FSTL5: variants seen among roughly 807,000 people sequenced by gnomAD.
The protein encoded by FSTL5 is follistatin like 5.
FSTL5 carries 62 observed loss-of-function variants against 89.1 expected under a neutral mutation model. The observed-to-expected ratio is 0.70, with a 90% CI of 0.57 to 0.86. FSTL5 has a LOEUF of 0.86. Among genes scored for constraint, FSTL5 ranks in the 40% least tolerant of loss-of-function variants. The probability of loss-of-function intolerance (pLI) is 0.00; values close to 1 mark genes in which losing one functional copy is unlikely to be tolerated. For synonymous variants in FSTL5, 383 were observed against 346.2 expected (o/e 1.11, Z -1.18); for missense variants, 1,057 against 1,001.6 (o/e 1.06, Z -0.75).
chr4:162,140,800 T>A (rs1732699408), intron 1 of FSTL5, among the ~76,000 whole-genome samples: 1 of 152,172 alleles, frequency 6.6e-6, no homozygotes, highest in Non-Finnish European at 1.5e-5. Context: ...ATTCTGATGT[T>A]AACCTTAAAG....
intron 4 of FSTL5, among the ~76,000 whole-genome samples, chr4:161,803,215 A>C (rs984676021): frequency 6.6e-6 from 1 of 151,922 alleles, no homozygotes; most frequent in African/African-American, 2.4e-5. Flanking sequence ...CTAGCATAAT[A>C]GGTTCAGGTT....
At chr4:161,419,235 T>C (rs1267321165) in intron 15 of FSTL5, among the ~76,000 whole-genome samples, 1 of 152,230 alleles carries the variant, frequency 6.6e-6, no homozygotes, top group Admixed American at 6.5e-5. Context: ...ATAGTTTATG[T>C]CCTCTTTATT....
intron 3 of FSTL5, among the ~76,000 whole-genome samples, chr4:161,949,339 G>A (rs149489413): frequency 5.1e-4 from 77 of 152,060 alleles, no homozygotes; most frequent in African/African-American, 1.7e-3. Context: ...GTAAGAATTC[G>A]GACAGAAACA....
intron 6 of FSTL5, among the ~76,000 whole-genome samples, chr4:161,706,827 G>C (rs1345945316): frequency 6.6e-6 from 1 of 152,004 alleles, no homozygotes; most frequent in Non-Finnish European, 1.5e-5. Context: ...TCATATTTCA[G>C]AGTAATCCAG....
At chr4:161,595,107 G>A (rs1733966601) in intron 7 of FSTL5, among the ~76,000 whole-genome samples, 1 of 151,758 alleles carries the variant, frequency 6.6e-6, no homozygotes, top group Non-Finnish European at 1.5e-5. Flanking sequence ...ATTAATCTTA[G>A]CCAAGCCTCA....
At chr4:161,948,292 G>GAA (rs34074683) in intron 3 of FSTL5, among the ~76,000 whole-genome samples, 13 of 113,750 alleles carry the variant, frequency 1.1e-4, no homozygotes, top group African/African-American at 1.8e-4. Flanking sequence ...CTAAAGAAAT[G>GAA]AAAAAAAAAA....
chr4:161,609,165 C>A (rs575206767), intron 7 of FSTL5, among the ~76,000 whole-genome samples: 2 of 152,162 alleles, frequency 1.3e-5, no homozygotes, highest in Admixed American at 1.3e-4. Context: ...ATGCCTGGCA[C>A]ATACACAGTG....
At chr4:161,463,889 T>G (rs183170259) in intron 13 of FSTL5, among the ~76,000 whole-genome samples, 1 of 152,322 alleles carries the variant, frequency 6.6e-6, no homozygotes, top group Admixed American at 6.5e-5. Context: ...CCCTTTGCAA[T>G]ATCTCTACTA....
intron 8 of FSTL5, among the ~76,000 whole-genome samples, chr4:161,547,103 G>C (rs1401415923): frequency 2.0e-5 from 3 of 152,030 alleles, no homozygotes; most frequent in African/African-American, 7.2e-5. Flanking sequence ...TATGCCAAGG[G>C]GCAGAGAGAG....
At chr4:161,542,720 G>A in intron 8 of FSTL5, 27 bp from the exon 9 acceptor site, 3 of 1,364,296 alleles carry the variant, frequency 2.2e-6, no homozygotes, top group Middle Eastern at 1.9e-4. Flanking sequence ...AAGAGAAAGT[G>A]AATTAGTGAT....
chr4:162,005,520 C>T (rs2111117192), intron 3 of FSTL5, among the ~76,000 whole-genome samples: 1 of 152,090 alleles, frequency 6.6e-6, no homozygotes, highest in African/African-American at 2.4e-5. Context: ...ATGGGAAAAC[C>T]AGTGAGACGG....
At chr4:162,013,199 AT>A (rs142910851) in intron 3 of FSTL5, among the ~76,000 whole-genome samples, 16,069 of 150,424 alleles carry the variant, frequency 0.11, 848 homozygotes, top group Non-Finnish European at 0.13. Context: ...AAAAAAAAAA[AT>A]TTTCAGTATA....
chr4:161,777,158 C>G (rs1284959472), intron 4 of FSTL5, among the ~76,000 whole-genome samples: 2 of 151,548 alleles, frequency 1.3e-5, no homozygotes, highest in African/African-American at 4.8e-5. Context: ...GTTTATTTCA[C>G]TTAACATAAT....
At chr4:162,042,449 C>G (rs1738000796) in intron 2 of FSTL5, among the ~76,000 whole-genome samples, 1 of 152,018 alleles carries the variant, frequency 6.6e-6, no homozygotes. Context: ...AAGACATAGA[C>G]ACACTGACTT....
rs570861820 is a variant in FSTL5 at position 161,677,962 on chromosome 4, A to T, written c.728-21468T>A. On this transcript the variant is annotated intron_variant, in intron 6 of 15. Transcript: ENST00000306100. Reference sequence around the variant, plus strand: ...TATGCCACACACCATAGATATATATATTTTATTTGTCAATTAAAACATATG... The same window carrying T: ...TATGCCACACACCATAGATATATATTTTTTATTTGTCAATTAAAACATATG... Among the ~76,000 whole-genome samples, 13 of 151,900 alleles carry T rather than the reference A, an allele frequency of 8.6e-5. No individual in the cohort carries two copies. In the East Asian group the frequency reaches 1.7e-3, roughly 20 times the overall value.
intron 7 of FSTL5, among the ~76,000 whole-genome samples, chr4:161,636,516 G>T (rs1169030403): frequency 2.1e-5 from 3 of 143,284 alleles, no homozygotes; most frequent in Non-Finnish European, 4.5e-5. Flanking sequence ...CATTGCGCAG[G>T]TTAGTTACAT....
chr4:161,431,451 A>C (rs1732366143), intron 15 of FSTL5, among the ~76,000 whole-genome samples: 1 of 147,200 alleles, frequency 6.8e-6, no homozygotes, highest in South Asian at 2.1e-4. Context: ...CCTCAAATAA[A>C]AAAAAAAACA....
At chr4:161,697,057 C>T (rs1381557018) in intron 6 of FSTL5, among the ~76,000 whole-genome samples, 1 of 152,156 alleles carries the variant, frequency 6.6e-6, no homozygotes, top group East Asian at 1.9e-4. Flanking sequence ...GCCATTAAGT[C>T]AGCCTCTGCA....
chr4:161,981,472 G>A (rs193238006), intron 3 of FSTL5, among the ~76,000 whole-genome samples: 3 of 152,206 alleles, frequency 2.0e-5, no homozygotes, highest in East Asian at 3.9e-4. Flanking sequence ...ACCATTTCAT[G>A]ACCTTAATTC....
Sources: allele counts gnomAD v4.1 joint callset (sites outside exome capture counted in the v4.1 genomes callset), GRCh38; gene constraint gnomAD v4.1.1; transcripts MANE v1.5; gene names NCBI Gene and HGNC (gene_info 2026-07-23, HGNC 2026-07-21).